Variants in SYNM observed in about 807,000 individuals in gnomAD.
The protein encoded by SYNM is desmuslin.
Under a neutral mutation model 104.0 loss-of-function variants are expected in SYNM, and 95 were observed. The observed-to-expected ratio is 0.91, with a 90% CI of 0.77 to 1.08. The LOEUF is 1.08. SYNM is among the 50% of genes least tolerant of loss of function. The pLI is 0.00. For missense variants in SYNM, 2,150 were observed against 2,052.2 expected (o/e 1.05, Z -0.92); for synonymous variants, 918 against 869.0 (o/e 1.06, Z -0.99).
chr15:99,121,185 A>G (rs1555484483), intron 2 of SYNM, among the ~76,000 whole-genome samples: 1 of 152,066 alleles, frequency 6.6e-6, no homozygotes, highest in African/African-American at 2.4e-5. Context: ...AGGTCTGGGA[A>G]TGAGGCAGAG....
chr15:99,138,989 G>A, downstream of SYNM: 1 of 407,344 alleles, frequency 2.5e-6, no homozygotes, highest in Non-Finnish European at 4.6e-6. Context: ...CGAGGGCAGA[G>A]GGAAGCCGGA....
Position 99,130,138 on chromosome 15 carries a change from C to A in SYNM, c.1778C>A (p.Pro593Gln), listed in dbSNP as rs201950062. The change falls in exon 4 of 4, where the codon CCG becomes CAG. Residue 593 changes from proline to glutamine, a missense_variant. Physicochemically the swap from Pro to Gln is moderately conservative, Grantham distance 76. Transcript: ENST00000336292. Reference protein sequence around the residue: ...VSQDRRAEVSPKGLQTPVKDA... With the variant: ...VSQDRRAEVSQKGLQTPVKDA... ...CAGGACAGAAGAGCAGAGGTGTCCCCGAAAGGTTTGCAGACGCCTGTGAAG... is the reference window on the plus strand; with the variant it reads ...CAGGACAGAAGAGCAGAGGTGTCCCAGAAAGGTTTGCAGACGCCTGTGAAG... The A allele has an allele frequency of 1.2e-6, 2 of 1,613,706 alleles. No homozygotes were observed. Among genetic ancestry groups the A allele is most frequent in the Non-Finnish European group, 1.7e-6 (2 of 1,179,890 alleles).
intron 1 of SYNM, 138 bp downstream of exon 1, chr15:99,106,147 C>A: frequency 1.0e-6 from 1 of 956,634 alleles, no homozygotes; most frequent in Non-Finnish European, 1.4e-6. Flanking sequence ...AGAGGGTGCC[C>A]GAATGGCATG....
Position 99,132,113 on chromosome 15 carries a change from A to C in SYNM, c.3753A>C (p.Ala1251=), listed in dbSNP as rs576769191. ...CAGGGAAGGTTGGTGATTATTTTGC[A>C]ACAGAAGAGTCAGTGGGTACCCAGA... ...SAAGKVGDYF[A]TEESVGTQTS... Residue 1251 remains alanine, a synonymous_variant, in exon 4 of 4, where the codon GCA becomes GCC. Coordinates refer to ENST00000336292, the MANE Select transcript of SYNM (RefSeq NM_145728.3). 469 of 1,613,984 alleles carry C rather than the reference A, an allele frequency of 2.9e-4. 6 individuals carry two copies. The South Asian group carries it at 4.5e-3, about 15-fold the overall frequency.
At chr15:99,115,928 C>T (rs2067344860) in intron 2 of SYNM, among the ~76,000 whole-genome samples, 1 of 152,256 alleles carries the variant, frequency 6.6e-6, no homozygotes, top group South Asian at 2.1e-4. Context: ...TTCATCTGAG[C>T]CCTCACTCCC....
chr15:99,135,949 G>C (rs1193482739), downstream of SYNM, among the ~76,000 whole-genome samples: 2 of 152,172 alleles, frequency 1.3e-5, no homozygotes, highest in Non-Finnish European at 2.9e-5. Context: ...GGTACTTTGA[G>C]TGCTAAAACC....
rs368865814 is a variant in SYNM at position 99,132,259 on chromosome 15, G to C, written c.3899G>C (p.Gly1300Ala). 88 of 1,608,138 alleles carry C rather than the reference G, an allele frequency of 5.5e-5. No homozygotes were observed. The highest frequency in any genetic ancestry group is 7.1e-5 in the Non-Finnish European group (84 of 1,175,972). The change falls in exon 4 of 4, where the codon GGG (glycine) becomes GCG (alanine). Residue 1300 changes from glycine (G) to alanine (A), a missense_variant. By Grantham distance (60) the Gly-to-Ala change is moderately conservative. Transcript: ENST00000336292. ...ATAGGAGATTCTGTACACATGGAAG[G>C]GTTGCCAGGGAGCAGCACATCCATC... ...GVIGDSVHME[G>A]LPGSSTSIRH...
chr15:99,130,083 A>G lies in SYNM; in HGVS notation c.1723A>G (p.Arg575Gly), dbSNP rs782807421. ...ACCGAAGGAGAAGAGCGTGCGAGAG[A>G]GAGAGGTGCCGATTAGTCTAGAAGT... ...DSPKEKSVRE[R>G]EVPISLEVSQ... Residue 575 changes from arginine to glycine, a missense_variant, in exon 4 of 4, where the codon AGA becomes GGA. Coordinates refer to ENST00000336292, the MANE Select transcript of SYNM (RefSeq NM_145728.3). 39 of 1,613,726 alleles carry G rather than the reference A, an allele frequency of 2.4e-5. No individual in the cohort carries two copies. Among genetic ancestry groups the G allele is most frequent in the Non-Finnish European group, 3.1e-5 (36 of 1,179,886 alleles).
chr15:99,105,466 G>C lies in SYNM; in HGVS notation c.267G>C (p.Arg89=). The C allele has an allele frequency of 7.2e-7, 1 of 1,396,298 alleles. No homozygotes were observed. Among genetic ancestry groups the C allele is most frequent in the South Asian group, 1.6e-5 (1 of 64,016 alleles). 86.5% of individuals were successfully genotyped at this position (1,396,298 alleles called of 1,614,324 possible). A position where few individuals can be genotyped will look rare whatever the true frequency, so the allele number is the denominator to read the frequency against. ...CGGAGGGCGAGCGGGACGCTCTGCG[G>C]CGCGAGCTGCGGGAGCTGCAGCGCC... is the stretch of plus-strand genomic sequence containing the variant. ...ALAEGERDAL[R]RELRELQRLD... The change falls in exon 1 of 4, where the codon CGG becomes CGC. Residue 89 remains arginine, a synonymous_variant. Transcript: ENST00000336292.
At chr15:99,120,657 T>C (rs8037159) in intron 2 of SYNM, among the ~76,000 whole-genome samples, 65,587 of 152,118 alleles carry the variant, frequency 0.43, 14,512 homozygotes, top group African/African-American at 0.54. Flanking sequence ...TGAGGCAGCA[T>C]GGATCTGGGG....
chr15:99,130,886 C>A lies in SYNM; in HGVS notation c.2526C>A (p.His842Gln). 6.2e-6 allele frequency: 10 copies of A among 1,613,780 alleles called. No individual in the cohort carries two copies. The highest frequency in any genetic ancestry group is 8.5e-6 in the Non-Finnish European group (10 of 1,179,850). Residue 842 changes from histidine (H) to glutamine (Q), a missense_variant, in exon 4 of 4, where the codon CAC becomes CAA. By Grantham distance (24) the His-to-Gln change is conservative. Coordinates refer to ENST00000336292, the MANE Select transcript of SYNM (RefSeq NM_145728.3). ...VSTPDEHPGG[H>Q]DRDDGSVYGQ... ...CTCCAGATGAACACCCCGGGGGGCA[C>A]GACAGAGATGACGGCTCGGTGTACG...
At chr15:99,106,093 C>G (rs1441975903) in intron 1 of SYNM, 84 bp downstream of exon 1, 5 of 1,317,568 alleles carry the variant, frequency 3.8e-6, no homozygotes, top group Non-Finnish European at 4.9e-6. Context: ...GGGCAGCGGC[C>G]CCTTCACCAG....
At chr15:99,115,467 C>CTTTTT (rs1239411620) in intron 2 of SYNM, among the ~76,000 whole-genome samples, 10 of 99,112 alleles carry the variant, frequency 1.0e-4, no homozygotes, top group Admixed American at 2.2e-4. Flanking sequence ...TTATTTTATT[C>CTTTTT]TATTTTTTTT....
In SYNM at chr15:99,130,091, G is replaced by A. The variant is rs782651174; in HGVS notation, c.1731G>A (p.Val577=). 6.2e-7 allele frequency: 1 copy of A among 1,613,948 alleles called. No homozygotes were observed. ...AGAAGAGCGTGCGAGAGAGAGAGGTGCCGATTAGTCTAGAAGTATCCCAGG... is the reference window on the plus strand; with the variant it reads ...AGAAGAGCGTGCGAGAGAGAGAGGTACCGATTAGTCTAGAAGTATCCCAGG... The part of the protein sequence containing the change: ...PKEKSVRERE[V]PISLEVSQDR... Residue 577 remains valine, a synonymous_variant, in exon 4 of 4, where the codon GTG becomes GTA. Coordinates refer to ENST00000336292, the MANE Select transcript of SYNM (RefSeq NM_145728.3).
chr15:99,138,128 C>T (rs1555488134), downstream of SYNM: 1 of 1,612,176 alleles, frequency 6.2e-7, no homozygotes, highest in Non-Finnish European at 8.5e-7. Context: ...CTTGGGGGCC[C>T]TGCAGACAAG....
chr15:99,139,765 T>C, downstream of SYNM: 1 of 1,305,786 alleles, frequency 7.7e-7, no homozygotes, highest in Non-Finnish European at 1.0e-6. Flanking sequence ...TTTAAAAAAA[T>C]AGTTTTGTTT....
intron 2 of SYNM, among the ~76,000 whole-genome samples, chr15:99,115,528 G>A (rs1360563837): frequency 1.4e-5 from 2 of 141,510 alleles, no homozygotes; most frequent in South Asian, 2.2e-4. Context: ...GCAGTGGCAC[G>A]AGCTCAGCTC....
intron 2 of SYNM, among the ~76,000 whole-genome samples, chr15:99,116,660 G>C (rs2067352546): frequency 7.0e-6 from 1 of 142,448 alleles, no homozygotes; most frequent in South Asian, 2.4e-4. Flanking sequence ...GAGTGGGGAG[G>C]TGTCAGGTTC....
At chr15:99,135,956 A>AACCAGGACTGTCCTGGGCAT (rs1458503963), downstream of SYNM, among the ~76,000 whole-genome samples, 4 of 152,340 alleles carry the variant, frequency 2.6e-5, no homozygotes, top group Non-Finnish European at 4.4e-5. Context: ...TGAGTGCTAA[A>AACCAGGACTGTCCTGGGCAT]ACCAGGACTG....
Sources: gnomAD v4.1 joint callset for allele counts (sites outside exome capture counted in the v4.1 genomes callset) on GRCh38, gnomAD v4.1.1 for gene constraint, MANE v1.5 for transcripts, NCBI Gene and HGNC (gene_info 2026-07-23, HGNC 2026-07-21) for gene names.